Variants in TTC28 observed in about 807,000 individuals in gnomAD.
TTC28 encodes tetratricopeptide repeat domain 28, also known as tetratricopeptide repeat protein 28.
TTC28 carries 61 observed loss-of-function variants against 198.0 expected under a neutral mutation model. That is an observed-to-expected ratio of 0.31 (90% CI 0.25 to 0.38). TTC28 has a LOEUF of 0.38. Among genes scored for constraint, TTC28 ranks in the 10% least tolerant of loss-of-function variants. The pLI is 1.00. For synonymous variants in TTC28, 1,171 were observed against 1,297.8 expected (o/e 0.90, Z 2.10); for missense variants, 2,678 against 3,164.0 (o/e 0.85, Z 3.69).
At chr22:28,634,453 C>T (rs1006404475) in intron 1 of TTC28, among the ~76,000 whole-genome samples, 21 of 141,506 alleles carry the variant, frequency 1.5e-4, no homozygotes, top group East Asian at 1.2e-3. Flanking sequence ...GAGGTTGCAG[C>T]GAAAGATCGC....
At chr22:28,343,000 AAAAT>A (rs2045855766) in intron 2 of TTC28, among the ~76,000 whole-genome samples, 1 of 152,208 alleles carries the variant, frequency 6.6e-6, no homozygotes, top group Admixed American at 6.5e-5. Context: ...AAATAAAGTG[AAAAT>A]AAATATTTTC....
intron 6 of TTC28, among the ~76,000 whole-genome samples, chr22:28,147,189 G>GT (rs1943488826): frequency 6.6e-6 from 1 of 152,188 alleles, no homozygotes; most frequent in East Asian, 1.9e-4. Flanking sequence ...AAGAATTTCG[G>GT]TCGGGAACAA....
At chr22:28,656,161 C>CA (rs1437627535) in intron 1 of TTC28, among the ~76,000 whole-genome samples, 1 of 152,180 alleles carries the variant, frequency 6.6e-6, no homozygotes, top group Non-Finnish European at 1.5e-5. Context: ...AACTTAAACT[C>CA]AGACTTCTGA....
chr22:28,524,375 G>A (rs941570726), intron 2 of TTC28, among the ~76,000 whole-genome samples: 2 of 151,452 alleles, frequency 1.3e-5, no homozygotes, highest in Non-Finnish European at 2.9e-5. Flanking sequence ...CAGGAGAATG[G>A]CGTGAACCCA....
Position 28,546,346 on chromosome 22 carries a change from TAA to T in TTC28, c.381+83204_381+83205del, listed in dbSNP as rs543726476. On this transcript the variant is annotated intron_variant, in intron 2 of 22. Coordinates refer to ENST00000397906, the MANE Select transcript of TTC28 (RefSeq NM_001145418.2). ...CTGTAGTCCCAGCTACTTGGGAGGC[TAA>T]GACAGGAGAATCGCTTGAACCCGGG... Among the ~76,000 whole-genome samples, 37 of 152,252 alleles carry T rather than the reference TAA, an allele frequency of 2.4e-4. No homozygotes were observed. The East Asian group carries it at 4.1e-3, about 17-fold the overall frequency.
At chr22:28,347,747 C>G (rs990873496) in intron 2 of TTC28, among the ~76,000 whole-genome samples, 1 of 152,202 alleles carries the variant, frequency 6.6e-6, no homozygotes, top group African/African-American at 2.4e-5. Context: ...TGGCAGACCA[C>G]CTGTAATCCC....
rs192333522 is a variant in TTC28, at chr22:28,040,390, C to T, written c.3933-10024G>A. Among the ~76,000 whole-genome samples the T allele has an allele frequency of 3.5e-3, 526 of 152,190 alleles. 9 individuals are homozygous for T. The highest frequency in any genetic ancestry group is 0.028 in the Admixed American group (421 of 15,282). ...AGCACATAAAAAAGCTTATCCACCA[C>T]GATCAAGTCGTCTTCATCCCTGGGA... On this transcript the variant is annotated intron_variant, in intron 12 of 22. Transcript: ENST00000397906.
rs549224736 is a variant in TTC28, at chr22:28,382,094, T to C, written c.382-75451A>G. On this transcript the variant is annotated intron_variant, in intron 2 of 22. Transcript: ENST00000397906. ...CCAATAGTAGAACTTAATTATTCCA[T>C]TGTAACTAGCAACATGAGCCTCATT... Among the ~76,000 whole-genome samples the C allele has an allele frequency of 3.0e-4, 46 of 152,254 alleles. No homozygotes were observed. The East Asian group carries it at 8.3e-3, about 27-fold the overall frequency.
chr22:28,393,499 C>A (rs1466454136), intron 2 of TTC28, among the ~76,000 whole-genome samples: 1 of 151,850 alleles, frequency 6.6e-6, no homozygotes, highest in African/African-American at 2.4e-5. Context: ...CAAGACCAAC[C>A]CAGGTAACAT....
At chr22:28,324,277 C>T (rs1307943245) in intron 2 of TTC28, among the ~76,000 whole-genome samples, 1 of 152,014 alleles carries the variant, frequency 6.6e-6, no homozygotes, top group Non-Finnish European at 1.5e-5. Context: ...CATGGCAAAA[C>T]CCTGTCTCTG....
At chr22:28,495,328 TAAG>T (rs1280667136) in intron 2 of TTC28, among the ~76,000 whole-genome samples, 1 of 152,146 alleles carries the variant, frequency 6.6e-6, no homozygotes, top group East Asian at 1.9e-4. Context: ...CTTCCAGAAC[TAAG>T]AAGGTTTTCA....
chr22:28,361,108 C>A (rs1017694806), intron 2 of TTC28, among the ~76,000 whole-genome samples: 2 of 152,116 alleles, frequency 1.3e-5, no homozygotes, highest in African/African-American at 4.8e-5. Context: ...CAAGTAATAA[C>A]CCTATAATGG....
chr22:28,518,945 G>A (rs1462047115), intron 2 of TTC28, among the ~76,000 whole-genome samples: 1 of 152,198 alleles, frequency 6.6e-6, no homozygotes, highest in African/African-American at 2.4e-5. Flanking sequence ...GTGTTGACAG[G>A]CTGTGCATGT....
chr22:28,491,663 G>A (rs2048380772), intron 2 of TTC28, among the ~76,000 whole-genome samples: 2 of 152,176 alleles, frequency 1.3e-5, no homozygotes, highest in Admixed American at 1.3e-4. Flanking sequence ...CTGTTGGTGG[G>A]ACTGTAAACT....
intron 5 of TTC28, among the ~76,000 whole-genome samples, chr22:28,211,036 T>G (rs1302427811): frequency 6.6e-6 from 1 of 152,100 alleles, no homozygotes; most frequent in Non-Finnish European, 1.5e-5. Flanking sequence ...CAAACTAAGC[T>G]TCATAATTGA....
chr22:28,105,220 T>A (rs1942258893), intron 8 of TTC28, 59 bp downstream of exon 8: 2 of 1,504,946 alleles, frequency 1.3e-6, no homozygotes, highest in African/African-American at 1.4e-5. Context: ...AGTCTTGAGT[T>A]CTGACTCTGA....
intron 2 of TTC28, among the ~76,000 whole-genome samples, chr22:28,620,220 C>T (rs879600229): frequency 6.6e-6 from 1 of 151,960 alleles, no homozygotes; most frequent in Non-Finnish European, 1.5e-5. Flanking sequence ...TATGGTGGTG[C>T]ACACCTGTAA....
intron 1 of TTC28, among the ~76,000 whole-genome samples, chr22:28,650,963 T>C (rs2051554006): frequency 6.6e-6 from 1 of 152,208 alleles, no homozygotes; most frequent in Non-Finnish European, 1.5e-5. Context: ...CTGCCTGTTT[T>C]TGGAAATACA....
At chr22:28,261,720 T>C (rs1931335346) in intron 5 of TTC28, among the ~76,000 whole-genome samples, 5 of 152,148 alleles carry the variant, frequency 3.3e-5, no homozygotes, top group South Asian at 4.1e-4. Context: ...AAGAAGTCAA[T>C]GCTTATTTAT....
Sources: gnomAD v4.1 joint callset for allele counts (sites outside exome capture counted in the v4.1 genomes callset) on GRCh38, gnomAD v4.1.1 for gene constraint, MANE v1.5 for transcripts, NCBI Gene and HGNC (gene_info 2026-07-23, HGNC 2026-07-21) for gene names.